The following IKZF3 variants were observed in gnomAD, a reference collection of about 807,000 sequenced individuals.
IKZF3 encodes zinc finger protein Aiolos.
IKZF3 carries 10 observed loss-of-function variants against 49.0 expected under a neutral mutation model. The observed-to-expected ratio is 0.20, with a 90% CI of 0.13 to 0.35. The LOEUF is 0.35. IKZF3 is among the 10% of genes least tolerant of loss of function. The probability of loss-of-function intolerance (pLI) is 1.00; values close to 1 mark genes in which losing one functional copy is unlikely to be tolerated. For missense variants in IKZF3, 498 were observed against 664.8 expected (o/e 0.75, Z 2.76); for synonymous variants, 209 against 228.2 (o/e 0.92, Z 0.76).
chr17:39,796,455 G>A (rs1290255116), intron 3 of IKZF3, among the ~76,000 whole-genome samples: 1 of 151,740 alleles, frequency 6.6e-6, no homozygotes, highest in East Asian at 1.9e-4. Context: ...CTCTCTAGGT[G>A]CCAACTCCTC....
At chr17:39,811,929 T>C (rs2061569841) in intron 3 of IKZF3, among the ~76,000 whole-genome samples, 1 of 152,200 alleles carries the variant, frequency 6.6e-6, no homozygotes, top group African/African-American at 2.4e-5. Context: ...TGTAAAAGGA[T>C]TGCTGATTGC....
chr17:39,810,718 T>G (rs1334098854), intron 3 of IKZF3, among the ~76,000 whole-genome samples: 3 of 152,142 alleles, frequency 2.0e-5, no homozygotes, highest in Non-Finnish European at 4.4e-5. Flanking sequence ...GCATTACAAT[T>G]ATTAACATAC....
intron 1 of IKZF3, among the ~76,000 whole-genome samples, chr17:39,853,941 A>G (rs2062960373): frequency 6.6e-6 from 1 of 150,554 alleles, no homozygotes; most frequent in South Asian, 2.1e-4. Context: ...CAGCCTGACC[A>G]ATATGGTGAA....
chr17:39,862,778 C>T (rs2063249634), intron 1 of IKZF3, among the ~76,000 whole-genome samples: 1 of 152,064 alleles, frequency 6.6e-6, no homozygotes, highest in African/African-American at 2.4e-5. Flanking sequence ...TCATTCTTTT[C>T]TTCTTAAGGG....
In IKZF3 at chr17:39,864,289, G is replaced by C. The variant is rs1050779661; in HGVS notation, c.-163C>G. On this transcript the variant is annotated 5_prime_UTR_variant, in exon 1 of 8. Transcript: ENST00000346872. ...GCGCAGACTGAAAAGGGCAGGAGCC[G>C]GCGACCTGCCGGTGCGCGGGGTTAC... The C allele has an allele frequency of 6.9e-6, 5 of 721,940 alleles. No individual in the cohort carries two copies. The highest frequency in any genetic ancestry group is 3.2e-5 in the East Asian group (1 of 30,960). 44.7% of individuals were successfully genotyped at this position (721,940 alleles called of 1,614,324 possible). A position where few individuals can be genotyped will look rare whatever the true frequency, so the allele number is the denominator to read the frequency against.
At chr17:39,816,917 T>C (rs1230998112) in intron 3 of IKZF3, among the ~76,000 whole-genome samples, 1 of 152,204 alleles carries the variant, frequency 6.6e-6, no homozygotes, top group Non-Finnish European at 1.5e-5. Context: ...TTTCACCATG[T>C]TGGCCAGGCT....
At chr17:39,860,499 G>A (rs2063186465) in intron 1 of IKZF3, among the ~76,000 whole-genome samples, 1 of 152,184 alleles carries the variant, frequency 6.6e-6, no homozygotes, top group African/African-American at 2.4e-5. Context: ...ATCTGCTTAT[G>A]TAAATTTAAC....
intron 1 of IKZF3, among the ~76,000 whole-genome samples, chr17:39,834,277 A>G (rs1041574082): frequency 1.3e-5 from 2 of 152,212 alleles, no homozygotes; most frequent in Admixed American, 6.5e-5. Flanking sequence ...GAACTTGTTC[A>G]AAAGTGCTTC....
intron 1 of IKZF3, chr17:39,839,321 G>A: frequency 2.0e-6 from 1 of 494,230 alleles, no homozygotes; most frequent in Non-Finnish European, 3.7e-6. Flanking sequence ...TAACATGATT[G>A]TGACCTTGAG....
intron 1 of IKZF3, among the ~76,000 whole-genome samples, chr17:39,856,857 A>C (rs1451442203): frequency 1.3e-5 from 2 of 151,982 alleles, no homozygotes; most frequent in Admixed American, 6.5e-5. Flanking sequence ...TATGCACAGG[A>C]GAAAAAAGAC....
At chr17:39,799,023 A>C (rs2061250473) in intron 3 of IKZF3, among the ~76,000 whole-genome samples, 1 of 131,986 alleles carries the variant, frequency 7.6e-6, no homozygotes. Context: ...GTGTGTGTTT[A>C]ACTCAGTATT....
chr17:39,799,986 A>AT (rs1467445542), intron 3 of IKZF3, among the ~76,000 whole-genome samples: 1 of 152,220 alleles, frequency 6.6e-6, no homozygotes, highest in Non-Finnish European at 1.5e-5. Context: ...TGTCCCGCTG[A>AT]TTAACATTCT....
intron 7 of IKZF3, among the ~76,000 whole-genome samples, chr17:39,777,424 T>C (rs939347214): frequency 1.3e-5 from 2 of 152,222 alleles, no homozygotes; most frequent in Admixed American, 6.5e-5. Context: ...ATTTAGGAAA[T>C]TGGATATCAA....
chr17:39,787,271 C>A (rs1353735546), intron 6 of IKZF3, among the ~76,000 whole-genome samples: 1 of 152,160 alleles, frequency 6.6e-6, no homozygotes, highest in Non-Finnish European at 1.5e-5. Flanking sequence ...CAGGCTGTTC[C>A]AACAAAGAAT....
At chr17:39,810,328 G>A (rs1801698304) in intron 3 of IKZF3, among the ~76,000 whole-genome samples, 1 of 152,070 alleles carries the variant, frequency 6.6e-6, no homozygotes. Context: ...TTCATCATGA[G>A]TTTAACTATT....
At position 39,766,303 on chromosome 17, in the gene IKZF3, G is replaced by A; in HGVS notation, c.1017C>T (p.Ser339=). 6.2e-7 allele frequency: 1 copy of A among 1,614,216 alleles called. No homozygotes were observed. The highest frequency in any genetic ancestry group is 8.5e-7 in the Non-Finnish European group (1 of 1,180,038). ...APTSEMVPVI[S]SMYPIALTRA... ...GGGTGAGGGCTATGGGATACATGCTGCTGATAACTGGAACCATCTCCGAGG... is the reference window on the plus strand; with the variant it reads ...GGGTGAGGGCTATGGGATACATGCTACTGATAACTGGAACCATCTCCGAGG... Residue 339 remains serine (S), a synonymous_variant, in exon 8 of 8, where the codon AGC becomes AGT. Coordinates refer to ENST00000346872, the MANE Select transcript of IKZF3 (RefSeq NM_012481.5).
intron 6 of IKZF3, among the ~76,000 whole-genome samples, chr17:39,781,724 A>C (rs899563030): frequency 6.6e-6 from 1 of 152,174 alleles, no homozygotes; most frequent in African/African-American, 2.4e-5. Flanking sequence ...GGACACATTG[A>C]CCTAAATAAC....
intron 6 of IKZF3, among the ~76,000 whole-genome samples, chr17:39,779,085 C>T (rs955075718): frequency 2.0e-5 from 3 of 152,180 alleles, no homozygotes; most frequent in Non-Finnish European, 4.4e-5. Context: ...TAAATAGTGG[C>T]AATATCTAAT....
intron 3 of IKZF3, among the ~76,000 whole-genome samples, chr17:39,816,818 A>G (rs894566050): frequency 3.1e-4 from 47 of 152,318 alleles, no homozygotes; most frequent in African/African-American, 1.1e-3. Context: ...GGCTCAGAAG[A>G]TTCTCCCACC....
Sources: gnomAD v4.1 joint callset for allele counts (sites outside exome capture counted in the v4.1 genomes callset) on GRCh38, gnomAD v4.1.1 for gene constraint, MANE v1.5 for transcripts, NCBI Gene and HGNC (gene_info 2026-07-23, HGNC 2026-07-21) for gene names.